Variants in TMEM232 observed in about 807,000 individuals in gnomAD.
The protein encoded by TMEM232 is transmembrane protein 232.
A neutral mutation model predicts 78.8 loss-of-function variants in TMEM232; 80 were observed. The observed-to-expected ratio is 1.01, with a 90% CI of 0.85 to 1.22. The LOEUF is 1.22. Among genes scored for constraint, TMEM232 ranks in the 50% most tolerant of loss-of-function variants. The pLI is 0.00. For synonymous variants in TMEM232, 297 were observed against 254.3 expected (o/e 1.17, Z -1.60); for missense variants, 881 against 742.2 (o/e 1.19, Z -2.17).
At chr5:110,668,354 T>A (rs149035484) in intron 1 of TMEM232, among the ~76,000 whole-genome samples, 101 of 152,224 alleles carry the variant, frequency 6.6e-4, no homozygotes, top group African/African-American at 2.1e-3. Flanking sequence ...TAATCTGAGG[T>A]TGCCCTCTAA....
At chr5:110,438,720 T>C (rs1266383334) in intron 12 of TMEM232, among the ~76,000 whole-genome samples, 1 of 152,056 alleles carries the variant, frequency 6.6e-6, no homozygotes, top group Non-Finnish European at 1.5e-5. Flanking sequence ...ATGTCGTCAG[T>C]TCCTCCCCTA....
At chr5:110,586,260 A>C (rs1318744881) in intron 10 of TMEM232, among the ~76,000 whole-genome samples, 1 of 151,986 alleles carries the variant, frequency 6.6e-6, no homozygotes, top group Non-Finnish European at 1.5e-5. Flanking sequence ...TCCTGCCCAG[A>C]TATTTTACAT....
chr5:110,647,008 T>C (rs938908255), intron 2 of TMEM232, among the ~76,000 whole-genome samples: 16 of 151,874 alleles, frequency 1.1e-4, no homozygotes, highest in South Asian at 8.3e-4. Flanking sequence ...AATATATTAC[T>C]ATGGTATACT....
chr5:110,537,140 G>C (rs1286716614), intron 11 of TMEM232, among the ~76,000 whole-genome samples: 1 of 151,966 alleles, frequency 6.6e-6, no homozygotes, highest in Non-Finnish European at 1.5e-5. Context: ...CTCTTTTCCA[G>C]ACCACTATGG....
At chr5:110,679,640 A>G (rs1267710926) in intron 1 of TMEM232, among the ~76,000 whole-genome samples, 1 of 152,208 alleles carries the variant, frequency 6.6e-6, no homozygotes, top group Non-Finnish European at 1.5e-5. Context: ...GATTTTTAAC[A>G]TATGAAATTA....
chr5:110,692,442 G>A (rs541107759), intron 1 of TMEM232, among the ~76,000 whole-genome samples: 66 of 152,276 alleles, frequency 4.3e-4, no homozygotes, highest in Middle Eastern at 3.4e-3. Flanking sequence ...GGGGAGTGCC[G>A]GACAGTGGGT....
At chr5:110,710,115 A>G (rs544869310) in intron 1 of TMEM232, among the ~76,000 whole-genome samples, 1 of 152,130 alleles carries the variant, frequency 6.6e-6, no homozygotes, top group East Asian at 1.9e-4. Flanking sequence ...TCAAAGGATC[A>G]TTAATGGCTA....
chr5:110,671,576 G>C (rs759629595), intron 1 of TMEM232, among the ~76,000 whole-genome samples: 2 of 152,134 alleles, frequency 1.3e-5, no homozygotes, highest in African/African-American at 4.8e-5. Flanking sequence ...ACATAAAAAG[G>C]ATGAGTTCAT....
Position 110,635,330 on chromosome 5 carries a change from T to C in TMEM232, c.501+2868A>G, listed in dbSNP as rs559807748. On this transcript the variant is annotated intron_variant, in intron 5 of 13. Transcript: ENST00000455884. ...AGGCGAGGGAACTCTCCCTAACACATTTCCCAAGGCCAGCGTTACCCTAAT... is the reference window on the plus strand; with the variant it reads ...AGGCGAGGGAACTCTCCCTAACACACTTCCCAAGGCCAGCGTTACCCTAAT... 4.6e-5 allele frequency among the ~76,000 whole-genome samples: 7 copies of C among 152,114 alleles called. No individual in the cohort carries two copies. The East Asian group carries it at 1.4e-3, about 29-fold the overall frequency.
chr5:110,710,366 G>C (rs1240640396), intron 1 of TMEM232, among the ~76,000 whole-genome samples: 1 of 151,946 alleles, frequency 6.6e-6, no homozygotes, highest in Non-Finnish European at 1.5e-5. Context: ...AAAAATATAG[G>C]AGGAAGGAAT....
At chr5:110,530,534 G>A (rs1164448636) in intron 11 of TMEM232, among the ~76,000 whole-genome samples, 2 of 152,150 alleles carry the variant, frequency 1.3e-5, no homozygotes, top group East Asian at 3.9e-4. Context: ...CAATGGGATA[G>A]TATTGAGCCA....
At chr5:110,430,304 A>G (rs1757693358) in intron 12 of TMEM232, among the ~76,000 whole-genome samples, 1 of 150,884 alleles carries the variant, frequency 6.6e-6, no homozygotes, top group African/African-American at 2.4e-5. Context: ...AAGAGGGTCA[A>G]TCATATTATG....
intron 12 of TMEM232, among the ~76,000 whole-genome samples, chr5:110,472,148 C>T (rs944232739): frequency 1.3e-5 from 2 of 151,740 alleles, no homozygotes; most frequent in African/African-American, 4.8e-5. Context: ...TATAGAAAAG[C>T]CAAAGACTCC....
chr5:110,637,429 C>T (rs999516548), intron 5 of TMEM232, among the ~76,000 whole-genome samples: 5 of 151,706 alleles, frequency 3.3e-5, no homozygotes, highest in Non-Finnish European at 7.4e-5. Context: ...GTGGTTGTCT[C>T]CCCAAAATGT....
intron 10 of TMEM232, among the ~76,000 whole-genome samples, chr5:110,570,294 C>T (rs1027940943): frequency 2.6e-5 from 4 of 151,872 alleles, no homozygotes; most frequent in African/African-American, 9.7e-5. Context: ...AATATTTTTG[C>T]ACTGAACATT....
chr5:110,557,689 CA>C (rs1775265956), intron 11 of TMEM232, among the ~76,000 whole-genome samples: 1 of 152,122 alleles, frequency 6.6e-6, no homozygotes. Context: ...CACTTTTAAA[CA>C]ACCAGATCTT....
intron 2 of TMEM232, among the ~76,000 whole-genome samples, chr5:110,413,450 C>A (rs1756071277): frequency 6.6e-6 from 1 of 152,150 alleles, no homozygotes; most frequent in Non-Finnish European, 1.5e-5. Flanking sequence ...GGGACTTCAC[C>A]TTCTGATCGT....
At chr5:110,672,573 A>G (rs537542068) in intron 1 of TMEM232, among the ~76,000 whole-genome samples, 1 of 152,300 alleles carries the variant, frequency 6.6e-6, no homozygotes, top group African/African-American at 2.4e-5. Context: ...TCCAAAAAGA[A>G]AAAGAAAATT....
rs571703200 is a variant in TMEM232 at position 110,460,573 on chromosome 5, A to G, written c.1704-35657T>C. On this transcript the variant is annotated intron_variant, in intron 12 of 13. Transcript: ENST00000455884. ...GACACTAAAAATATTGCCTTTAAGTATAATTTGCCACTTCAAACACACACA... is the reference window on the plus strand; with the variant it reads ...GACACTAAAAATATTGCCTTTAAGTGTAATTTGCCACTTCAAACACACACA... 4.6e-5 allele frequency among the ~76,000 whole-genome samples: 7 copies of G among 152,270 alleles called. No homozygotes were observed. In the East Asian group the frequency reaches 5.8e-4, roughly 13 times the overall value.
Sources: allele counts gnomAD v4.1 joint callset (sites outside exome capture counted in the v4.1 genomes callset), GRCh38; gene constraint gnomAD v4.1.1; transcripts MANE v1.5; gene names NCBI Gene and HGNC (gene_info 2026-07-23, HGNC 2026-07-21).